Variants in RNF2 observed in about 807,000 individuals in gnomAD.
RNF2 encodes the protein ring finger protein 2.
RNF2 carries 6 observed loss-of-function variants against 37.2 expected under a neutral mutation model. That is an observed-to-expected ratio of 0.16 (90% confidence interval 0.09 to 0.32). The LOEUF (loss-of-function observed/expected upper bound fraction) is 0.32, where lower values mean the gene tolerates loss of function less well. RNF2 is among the 10% of genes least tolerant of loss of function. The pLI is 1.00. For missense variants in RNF2, 251 were observed against 404.0 expected (o/e 0.62, Z 3.25); for synonymous variants, 133 against 132.7 (o/e 1.00, Z -0.02).
intron 1 of RNF2, among the ~76,000 whole-genome samples, chr1:185,085,457 G>C (rs1047715706): frequency 1.3e-5 from 2 of 151,902 alleles, no homozygotes; most frequent in African/African-American, 4.8e-5. Flanking sequence ...TCTTATACCA[G>C]TGTTTTGTAT....
intron 1 of RNF2, among the ~76,000 whole-genome samples, chr1:185,055,729 C>T (rs1465698214): frequency 6.6e-6 from 1 of 152,050 alleles, no homozygotes. Context: ...CCTGTAGTTT[C>T]GTTTTATATG....
chr1:185,059,805 A>G (rs890187537), intron 1 of RNF2, among the ~76,000 whole-genome samples: 4 of 152,194 alleles, frequency 2.6e-5, no homozygotes, highest in African/African-American at 9.7e-5. Flanking sequence ...ATCTCTAGAA[A>G]TGAATTCCTT....
intron 4 of RNF2, among the ~76,000 whole-genome samples, chr1:185,094,311 T>C (rs1480863773): frequency 2.0e-5 from 3 of 151,884 alleles, no homozygotes; most frequent in African/African-American, 7.3e-5. Flanking sequence ...CCCAGCTAAT[T>C]TTTGTATTTT....
At chr1:185,067,109 A>G (rs939569296) in intron 1 of RNF2, among the ~76,000 whole-genome samples, 1 of 152,256 alleles carries the variant, frequency 6.6e-6, no homozygotes, top group Non-Finnish European at 1.5e-5. Context: ...TGGAAAAGAT[A>G]CAATCAAATT....
chr1:185,073,079 TA>T, intron 1 of RNF2, among the ~76,000 whole-genome samples: 1 of 150,268 alleles, frequency 6.7e-6, no homozygotes, highest in South Asian at 2.1e-4. Context: ...TTTTTTTACT[TA>T]ATGTGTGTTG....
chr1:185,050,815 C>T (rs186292586), intron 1 of RNF2, among the ~76,000 whole-genome samples: 4 of 152,322 alleles, frequency 2.6e-5, no homozygotes, highest in African/African-American at 7.2e-5. Context: ...GCAATTTTGA[C>T]AGGCATTCCT....
At chr1:185,050,249 G>T (rs1650235566) in intron 1 of RNF2, among the ~76,000 whole-genome samples, 1 of 152,242 alleles carries the variant, frequency 6.6e-6, no homozygotes, top group Admixed American at 6.5e-5. Context: ...AATTTATAGT[G>T]TAAGTGGCAA....
intron 1 of RNF2, among the ~76,000 whole-genome samples, chr1:185,047,466 G>T (rs1650152313): frequency 6.6e-6 from 1 of 152,206 alleles, no homozygotes; most frequent in South Asian, 2.1e-4. Flanking sequence ...GTGACCTACA[G>T]TTTGTGGTGT....
At chr1:185,087,704 C>A in intron 2 of RNF2, 64 bp downstream of exon 2, 1 of 1,193,330 alleles carries the variant, frequency 8.4e-7, no homozygotes, top group Non-Finnish European at 1.2e-6. Flanking sequence ...ATTTTTAGAA[C>A]ATGAAAACTT....
At chr1:185,053,417 T>C (rs1047679837) in intron 1 of RNF2, among the ~76,000 whole-genome samples, 11 of 151,872 alleles carry the variant, frequency 7.2e-5, no homozygotes, top group Non-Finnish European at 1.5e-4. Flanking sequence ...CTCACTGCAG[T>C]CTCCAACTTT....
chr1:185,054,301 A>C (rs1650363496), intron 1 of RNF2, among the ~76,000 whole-genome samples: 1 of 152,188 alleles, frequency 6.6e-6, no homozygotes, highest in African/African-American at 2.4e-5. Context: ...CAGGTAAGGA[A>C]ATGGCGGCTT....
chr1:185,069,841 T>C (rs915870888), intron 1 of RNF2, among the ~76,000 whole-genome samples: 4 of 152,208 alleles, frequency 2.6e-5, no homozygotes, highest in Non-Finnish European at 5.9e-5. Flanking sequence ...TTTAGCCACA[T>C]ACAGATTACT....
chr1:185,062,820 C>CA (rs761305869), intron 1 of RNF2, among the ~76,000 whole-genome samples: 245 of 148,370 alleles, frequency 1.7e-3, no homozygotes, highest in South Asian at 2.4e-3. Flanking sequence ...TCCCCCCCCC[C>CA]AAAAAAAGGC....
At chr1:185,075,585 G>T (rs189105348) in intron 1 of RNF2, among the ~76,000 whole-genome samples, 4 of 152,326 alleles carry the variant, frequency 2.6e-5, no homozygotes, top group South Asian at 2.1e-4. Flanking sequence ...AAGCATGGCT[G>T]GGGGAGGCCT....
intron 1 of RNF2, among the ~76,000 whole-genome samples, chr1:185,058,527 G>A (rs1472609795): frequency 6.6e-6 from 1 of 152,184 alleles, no homozygotes; most frequent in Non-Finnish European, 1.5e-5. Context: ...AGGGAAAACT[G>A]TAAAAAGTAT....
intron 4 of RNF2, among the ~76,000 whole-genome samples, chr1:185,094,761 A>G (rs553972435): frequency 6.6e-6 from 1 of 152,340 alleles, no homozygotes; most frequent in African/African-American, 2.4e-5. Flanking sequence ...AAGACCCTAT[A>G]TAAGGTGGGC....
chr1:185,060,478 A>C lies in RNF2; in HGVS notation c.-3+14829A>C, dbSNP rs543087087. On this transcript the variant is annotated intron_variant, in intron 1 of 6. Coordinates refer to ENST00000367510, the MANE Select transcript of RNF2 (RefSeq NM_007212.4). ...TTCCCTTGCTCACTTAAGGACTCAAAATTTTTCTGTTCTGCTTAGGAAATT... is the reference window on the plus strand; with the variant it reads ...TTCCCTTGCTCACTTAAGGACTCAACATTTTTCTGTTCTGCTTAGGAAATT... Among the ~76,000 whole-genome samples, 4 of 152,296 alleles carry C rather than the reference A, an allele frequency of 2.6e-5. 1 individual carries two copies. The East Asian group carries it at 7.7e-4, about 29-fold the overall frequency.
At chr1:185,080,617 A>G (rs1041550907) in intron 1 of RNF2, among the ~76,000 whole-genome samples, 27 of 152,334 alleles carry the variant, frequency 1.8e-4, no homozygotes, top group African/African-American at 6.5e-4. Context: ...CAGAGAACAT[A>G]TTATTGTAAT....
chr1:185,086,922 A>G (rs1457583328), intron 1 of RNF2, among the ~76,000 whole-genome samples: 1 of 152,186 alleles, frequency 6.6e-6, no homozygotes, highest in African/African-American at 2.4e-5. Context: ...GGTTAAGACA[A>G]TCTTGTATAC....
Sources: allele counts gnomAD v4.1 joint callset (sites outside exome capture counted in the v4.1 genomes callset), GRCh38; gene constraint gnomAD v4.1.1; transcripts MANE v1.5; gene names NCBI Gene and HGNC (gene_info 2026-07-23, HGNC 2026-07-21).